ISL1: variants seen among roughly 807,000 people sequenced by gnomAD.
ISL1 encodes ISL LIM homeobox 1, also known as insulin gene enhancer protein ISL-1.
ISL1 carries 4 observed loss-of-function variants against 35.3 expected under a neutral mutation model. That is an observed-to-expected ratio of 0.11 (90% CI 0.06 to 0.26). ISL1 has a LOEUF of 0.26. ISL1 is among the 10% of genes least tolerant of loss of function. The pLI is 1.00. For missense variants in ISL1, 340 were observed against 472.8 expected (o/e 0.72, Z 2.60); for synonymous variants, 186 against 172.3 (o/e 1.08, Z -0.62).
chr5:51,391,559 A>G (rs1747515661), intron 5 of ISL1, 118 bp downstream of exon 5: 1 of 1,144,068 alleles, frequency 8.7e-7, no homozygotes, highest in South Asian at 1.3e-5. Flanking sequence ...GGTTGGGGAG[A>G]AACCAAGGAG....
chr5:51,390,656 T>C (rs1314105162), intron 4 of ISL1, among the ~76,000 whole-genome samples: 6 of 124,570 alleles, frequency 4.8e-5, no homozygotes, highest in African/African-American at 1.2e-4. Context: ...TTTTTTTTTT[T>C]TTTTTTTTTT....
intron 3 of ISL1, among the ~76,000 whole-genome samples, chr5:51,388,320 G>A (rs1038738601): frequency 2.0e-5 from 3 of 152,168 alleles, no homozygotes; most frequent in Admixed American, 1.3e-4. Context: ...GCAGGCCATT[G>A]CACAGAGTTG....
Position 51,393,645 on chromosome 5 carries a change from A to C in ISL1, c.*35A>C, listed in dbSNP as rs1747569635. 1 of 1,315,408 alleles carries C rather than the reference A, an allele frequency of 7.6e-7. No individual in the cohort carries two copies. Among genetic ancestry groups the C allele is most frequent in the South Asian group, 1.2e-5 (1 of 85,226 alleles). 81.5% of individuals were successfully genotyped at this position (1,315,408 alleles called of 1,614,324 possible). A position where few individuals can be genotyped will look rare whatever the true frequency, so the allele number is the denominator to read the frequency against. ...ATTCTGTATTTTTTTTCCCTGTTGG[A>C]GAAAGTGGGAAATTATAATGTCGAA... On this transcript the variant is annotated 3_prime_UTR_variant, in exon 6 of 6. Transcript: ENST00000230658.
intron 4 of ISL1, among the ~76,000 whole-genome samples, chr5:51,390,511 C>T (rs1390088747): frequency 6.6e-6 from 1 of 152,082 alleles, no homozygotes; most frequent in Non-Finnish European, 1.5e-5. Context: ...CCCAGGCCTC[C>T]ACAGAGGCAT....
Position 51,387,835 on chromosome 5 carries a change from G to C in ISL1, c.478+86G>C, listed in dbSNP as rs369863299. ...GCCACAACAACTATGGTAGCTACAG[G>C]GGTGGTCGTAGTGTTTGCCTGCAGT... On this transcript the variant is annotated intron_variant, in intron 3 of 5. Coordinates refer to ENST00000230658, the MANE Select transcript of ISL1 (RefSeq NM_002202.3). The surrounding 1 kb of genome is among the most constrained non-coding windows in gnomAD (Gnocchi z 4.3). 1 of 1,546,530 alleles carries C rather than the reference G, an allele frequency of 6.5e-7. No homozygotes were observed. Among genetic ancestry groups the C allele is most frequent in the African/African-American group, 1.4e-5 (1 of 73,478 alleles).
At chr5:51,385,565 G>A (rs1747323175) in intron 2 of ISL1, among the ~76,000 whole-genome samples, 1 of 100,242 alleles carries the variant, frequency 1.0e-5, no homozygotes, top group East Asian at 3.0e-4. Flanking sequence ...TGGTTTTGTT[G>A]TTTTGGAGAG....
intron 5 of ISL1, among the ~76,000 whole-genome samples, chr5:51,392,085 T>C (rs1747528059): frequency 6.6e-6 from 1 of 152,122 alleles, no homozygotes; most frequent in African/African-American, 2.4e-5. Flanking sequence ...GTGTATGAGT[T>C]CAAATGTCAT....
chr5:51,392,784 T>C (rs763777766), intron 5 of ISL1, among the ~76,000 whole-genome samples: 2 of 152,074 alleles, frequency 1.3e-5, no homozygotes, highest in Non-Finnish European at 2.9e-5. Flanking sequence ...GGAGTGGGCA[T>C]AGTTAGAGAA....
chr5:51,388,896 G>C (rs548380971), intron 3 of ISL1, among the ~76,000 whole-genome samples: 1 of 152,060 alleles, frequency 6.6e-6, no homozygotes, highest in Non-Finnish European at 1.5e-5. Flanking sequence ...CGTTTATCTA[G>C]AGCCTAGGCA....
At position 51,387,471 on chromosome 5, in the gene ISL1, T is replaced by G. The variant is rs780013978; in HGVS notation, c.219-19T>G. On this transcript the variant is annotated intron_variant, in intron 2 of 5. Coordinates refer to ENST00000230658, the MANE Select transcript of ISL1 (RefSeq NM_002202.3). This position sits in a 1 kb window ranked among gnomAD's most constrained non-coding sequence, Gnocchi z 4.3. ...TCTCCCCGCTCTGGGCCGCCTCCGC[T>G]CCCCCCTCCCCCGCACAGGTTGTAC... 2 of 1,613,188 alleles carry G rather than the reference T, an allele frequency of 1.2e-6. No individual in the cohort carries two copies. Among genetic ancestry groups the G allele is most frequent in the Non-Finnish European group, 1.7e-6 (2 of 1,179,700 alleles).
chr5:51,385,886 TCA>T (rs1244782299), intron 2 of ISL1, among the ~76,000 whole-genome samples: 3 of 152,244 alleles, frequency 2.0e-5, no homozygotes, highest in Non-Finnish European at 2.9e-5. Context: ...TAATATACAG[TCA>T]CAGTTTGCTC....
chr5:51,384,832 C>T, intron 2 of ISL1, 102 bp downstream of exon 2: 1 of 1,150,116 alleles, frequency 8.7e-7, no homozygotes, highest in Non-Finnish European at 1.3e-6. Context: ...TGAAGTTTGC[C>T]TCAGTGTAGT....
chr5:51,393,365 G>A (rs1747561537), intron 5 of ISL1, 129 bp from the exon 6 acceptor site: 1 of 707,770 alleles, frequency 1.4e-6, no homozygotes, highest in South Asian at 1.5e-5. Flanking sequence ...TTAAAATTCA[G>A]TTATCTATGT....
rs1747262145 is a variant in ISL1 at position 51,383,500 on chromosome 5, T to C, written c.-172T>C. On this transcript the variant is annotated 5_prime_UTR_variant, in exon 1 of 6. Transcript: ENST00000230658. ...CTCCGCCAACTCCGCCGGCTTAAAT[T>C]GGACTCCTAGATCCGCGAGGGCGCG... 1 of 668,598 alleles carries C rather than the reference T, an allele frequency of 1.5e-6. No individual in the cohort carries two copies. Among genetic ancestry groups the C allele is most frequent in the African/African-American group, 1.8e-5 (1 of 55,332 alleles). The allele number at this position is 668,598 out of a possible 1,614,324, so 41.4% of individuals were successfully genotyped here.
Position 51,393,596 on chromosome 5 carries a change from C to A in ISL1, c.1036C>A (p.Pro346Thr). Residue 346 changes from proline to threonine, a missense_variant, in exon 6 of 6, where the codon CCT (proline) becomes ACT (threonine). Transcript: ENST00000230658. Reference sequence around the variant, plus strand: ...TACACCTAACAGCATGGTAGCCAGTCCTATTGAGGCATGAGGAACATTCAT... The same window carrying A: ...TACACCTAACAGCATGGTAGCCAGTACTATTGAGGCATGAGGAACATTCAT... ...PDTPNSMVASPIEA is the reference protein window; with the variant it reads ...PDTPNSMVASTIEA 6.3e-7 allele frequency: 1 copy of A among 1,592,528 alleles called. No individual in the cohort carries two copies. The highest frequency in any genetic ancestry group is 8.6e-7 in the Non-Finnish European group (1 of 1,160,342).
chr5:51,384,416 AAAGAAAGAAAG>A, intron 1 of ISL1, 114 bp from the exon 2 acceptor site: 1 of 770,648 alleles, frequency 1.3e-6, no homozygotes, highest in South Asian at 1.7e-5. Flanking sequence ...AAAAAAAAAA[AAAGAAAGAAAG>A]AAAGAAAGAA....
intron 3 of ISL1, among the ~76,000 whole-genome samples, chr5:51,388,745 G>A (rs1244659309): frequency 2.6e-5 from 4 of 152,166 alleles, no homozygotes; most frequent in Non-Finnish European, 5.9e-5. Context: ...TAAGAATTCT[G>A]TTCAGGGGGA....
chr5:51,387,731 C>G lies in ISL1; in HGVS notation c.460C>G (p.Arg154Gly). The part of the protein sequence containing the change: ...GDPLSPLHPA[R>G]PLQMAAEPIS... ...CCCGCTCAGTCCCCTGCATCCAGCG[C>G]GGCCACTGCAAATGGCAGGTACTCC... The change falls in exon 3 of 6, where the codon CGG becomes GGG. Residue 154 changes from arginine (R) to glycine (G), a missense_variant. Arg to Gly is a moderately radical substitution (Grantham distance 125). This residue lies in a region of ISL1 where 94 missense variants were observed against 102.1 expected (regional missense o/e 0.92). Coordinates refer to ENST00000230658, the MANE Select transcript of ISL1 (RefSeq NM_002202.3). The surrounding 1 kb of genome is among the most constrained non-coding windows in gnomAD (Gnocchi z 4.3). 1.2e-6 allele frequency: 2 copies of G among 1,614,184 alleles called. No individual in the cohort carries two copies. The highest frequency in any genetic ancestry group is 1.7e-6 in the Non-Finnish European group (2 of 1,180,042).
chr5:51,389,987 C>A lies in ISL1; in HGVS notation c.765+55C>A. On this transcript the variant is annotated intron_variant, in intron 4 of 5. Transcript: ENST00000230658. This position sits in a 1 kb window ranked among gnomAD's most constrained non-coding sequence, Gnocchi z 5.0. ...GCGAGGGGGAAGGAGACGCAGCGTG[C>A]GAGGTGCGTTCCTGGTACGCAGGAT... 6.3e-7 allele frequency: 1 copy of A among 1,583,486 alleles called. No individual in the cohort carries two copies. The highest frequency in any genetic ancestry group is 8.6e-7 in the Non-Finnish European group (1 of 1,157,682).
Sources: gnomAD v4.1 joint callset for allele counts (sites outside exome capture counted in the v4.1 genomes callset) on GRCh38, gnomAD v4.1.1 for gene constraint, gnomAD v4.1.1 regional missense constraint, Gnocchi (gnomAD v3.1) non-coding constraint, MANE v1.5 for transcripts, NCBI Gene and HGNC (gene_info 2026-07-23, HGNC 2026-07-21) for gene names.